TOLLIP: variants seen among roughly 807,000 people sequenced by gnomAD.
TOLLIP encodes the protein toll-interacting protein.
TOLLIP carries 16 observed loss-of-function variants against 33.5 expected under a neutral mutation model. That is an observed-to-expected ratio of 0.48 (90% CI 0.32 to 0.72). The LOEUF is 0.72. Ranked by LOEUF, TOLLIP falls within the 30% of genes least tolerant of loss-of-function variation. TOLLIP has a pLI of 0.03. For missense variants in TOLLIP, 325 were observed against 396.6 expected (o/e 0.82, Z 1.53); for synonymous variants, 176 against 163.7 (o/e 1.07, Z -0.57).
chr11:1,280,484 G>A (rs1459734341), intron 5 of TOLLIP, among the ~76,000 whole-genome samples: 12 of 152,110 alleles, frequency 7.9e-5, no homozygotes, highest in Admixed American at 7.9e-4. Flanking sequence ...CCAGGATGAC[G>A]GGAGGGACTG....
chr11:1,281,655 G>C (rs553277901), intron 5 of TOLLIP, among the ~76,000 whole-genome samples: 1 of 152,350 alleles, frequency 6.6e-6, no homozygotes, highest in Admixed American at 6.5e-5. Context: ...GGCCCACTCC[G>C]GCAGCCCCGT....
At chr11:1,283,475 A>ATGGGGGC (rs1191163090) in intron 5 of TOLLIP, 2 of 390,342 alleles carry the variant, frequency 5.1e-6, no homozygotes, top group Admixed American at 2.9e-5. Context: ...ATGCCTGGGC[A>ATGGGGGC]TGGGGGCTGG....
At chr11:1,291,276 C>CT (rs1055272211) in intron 2 of TOLLIP, 1 of 152,334 alleles carries the variant, frequency 6.6e-6, no homozygotes, top group Admixed American at 6.5e-5. Flanking sequence ...GTAAAGCGTC[C>CT]TGCCTGGAAT....
At chr11:1,298,603 C>T (rs1864179268) in intron 1 of TOLLIP, 1 of 152,232 alleles carries the variant, frequency 6.6e-6, no homozygotes. Context: ...GCCTAATGAT[C>T]AAGTGTCATT....
At chr11:1,299,379 G>A (rs1864200776) in intron 1 of TOLLIP, among the ~76,000 whole-genome samples, 1 of 152,182 alleles carries the variant, frequency 6.6e-6, no homozygotes, top group Admixed American at 6.5e-5. Context: ...CAAACGAGGA[G>A]GGAGTGCTAC....
intron 1 of TOLLIP, among the ~76,000 whole-genome samples, chr11:1,297,340 A>G (rs73397894): frequency 0.062 from 9,442 of 152,240 alleles, 337 homozygotes; most frequent in Admixed American, 0.11. Flanking sequence ...GAGAGGGTCT[A>G]GCTCCTCACC....
At chr11:1,301,322 G>A (rs1271611445) in intron 1 of TOLLIP, among the ~76,000 whole-genome samples, 4 of 152,182 alleles carry the variant, frequency 2.6e-5, no homozygotes, top group Admixed American at 1.3e-4. Context: ...AAATGTCGAC[G>A]ATTCTCATTC....
At chr11:1,289,575 C>T (rs1430684350) in intron 3 of TOLLIP, among the ~76,000 whole-genome samples, 3 of 152,202 alleles carry the variant, frequency 2.0e-5, no homozygotes, top group Admixed American at 1.3e-4. Context: ...GGAAATCCCA[C>T]CTGCTGGTGA....
rs528800054 is a variant in TOLLIP at position 1,290,772 on chromosome 11, C to G, written c.184-363G>C. ...AAGAGGAGGAGGTCCCGGGACAGAG[C>G]TGAGAGCCAGAGCATGACATGGAGT... On this transcript the variant is annotated intron_variant, in intron 2 of 5. Transcript: ENST00000317204. The surrounding 1 kb of genome is among the most constrained non-coding windows in gnomAD (Gnocchi z 4.9). 4.7e-6 allele frequency: 1 copy of G among 211,134 alleles called. No homozygotes were observed. Among genetic ancestry groups the G allele is most frequent in the African/African-American group, 2.3e-5 (1 of 43,886 alleles). 13.1% of individuals were successfully genotyped at this position (211,134 alleles called of 1,614,324 possible).
At chr11:1,280,953 C>T (rs765348234) in intron 5 of TOLLIP, among the ~76,000 whole-genome samples, 1 of 152,210 alleles carries the variant, frequency 6.6e-6, no homozygotes, top group Non-Finnish European at 1.5e-5. Context: ...GAAGAACGCA[C>T]GGGAAATTGA....
At chr11:1,307,939 CCAGGACTTGTGGATA>C (rs1455532456) in intron 1 of TOLLIP, among the ~76,000 whole-genome samples, 16 of 152,324 alleles carry the variant, frequency 1.1e-4, no homozygotes, top group South Asian at 1.0e-3. Context: ...GGGAGAAACA[CCAGGACTTGTGGATA>C]CAGTGTTAAG....
At chr11:1,307,160 G>A (rs892656648) in intron 1 of TOLLIP, among the ~76,000 whole-genome samples, 1 of 152,178 alleles carries the variant, frequency 6.6e-6, no homozygotes, top group Non-Finnish European at 1.5e-5. Flanking sequence ...TAAGTCACAT[G>A]TACTCCAAGC....
At chr11:1,283,585 A>G in intron 5 of TOLLIP, 1 of 455,790 alleles carries the variant, frequency 2.2e-6, no homozygotes, top group Non-Finnish European at 4.4e-6. Context: ...GGCTGTTCCA[A>G]AATTTACAAT....
At chr11:1,286,579 C>T (rs574519293) in intron 4 of TOLLIP, among the ~76,000 whole-genome samples, 232 of 151,598 alleles carry the variant, frequency 1.5e-3, no homozygotes, top group African/African-American at 5.2e-3. Flanking sequence ...GCACCGCTGT[C>T]GTCTCTGAGT....
rs1266381482 is a variant in TOLLIP, at chr11:1,277,584, C to G, written c.611-331G>C. On this transcript the variant is annotated intron_variant, in intron 5 of 5. Transcript: ENST00000317204. This position sits in a 1 kb window ranked among gnomAD's most constrained non-coding sequence, Gnocchi z 4.2. The stretch of plus-strand genomic sequence containing the variant: ...AGCAGGCTGGGGGTGGTGTTTTGAT[C>G]CCTTCAGAACTCGTGAATTTGCACT... 1.3e-5 allele frequency among the ~76,000 whole-genome samples: 2 copies of G among 152,156 alleles called. No individual in the cohort carries two copies. The highest frequency in any genetic ancestry group is 4.8e-5 in the African/African-American group (2 of 41,430).
At chr11:1,284,299 G>A (rs1384661903) in intron 5 of TOLLIP, among the ~76,000 whole-genome samples, 1 of 151,830 alleles carries the variant, frequency 6.6e-6, no homozygotes, top group African/African-American at 2.4e-5. Context: ...CTCCTAGGAA[G>A]CATTCTTTCC....
intron 5 of TOLLIP, among the ~76,000 whole-genome samples, chr11:1,285,073 C>T (rs1225826469): frequency 6.6e-6 from 1 of 152,172 alleles, no homozygotes; most frequent in African/African-American, 2.4e-5. Context: ...GCAGCTCTGT[C>T]CCGCCCCAAC....
intron 1 of TOLLIP, among the ~76,000 whole-genome samples, chr11:1,298,725 C>T (rs895951545): frequency 6.6e-6 from 1 of 152,242 alleles, no homozygotes; most frequent in Non-Finnish European, 1.5e-5. Context: ...GGATGGAGCT[C>T]ATCAGCCCCA....
In TOLLIP at chr11:1,276,608, CCA is replaced by C. The variant is rs1863310186; in HGVS notation, c.*429_*430del. On this transcript the variant is annotated 3_prime_UTR_variant, in exon 6 of 6. Transcript: ENST00000317204. ...TCGTCTGGGAAGTTCTAAAAAAAAC[CCA>C]CAGTGTGAGGGATTGTGTGTGCCTT... is the stretch of plus-strand genomic sequence containing the variant. The C allele has an allele frequency of 1.1e-5, 13 of 1,225,466 alleles. No homozygotes were observed. The highest frequency in any genetic ancestry group is 1.3e-5 in the Non-Finnish European group (12 of 935,188). 75.9% of individuals were successfully genotyped at this position (1,225,466 alleles called of 1,614,324 possible).
Sources: gnomAD v4.1 joint callset for allele counts (sites outside exome capture counted in the v4.1 genomes callset) on GRCh38, gnomAD v4.1.1 for gene constraint, Gnocchi (gnomAD v3.1) non-coding constraint, MANE v1.5 for transcripts, NCBI Gene and HGNC (gene_info 2026-07-23, HGNC 2026-07-21) for gene names.